The following ZPLD1 variants were observed in gnomAD, a reference collection of about 807,000 sequenced individuals.
ZPLD1 encodes the protein zona pellucida like domain containing 1.
ZPLD1 carries 34 observed loss-of-function variants against 47.2 expected under a neutral mutation model. That is an observed-to-expected ratio of 0.72 (90% CI 0.55 to 0.96). The LOEUF is 0.96. Ranked by LOEUF, ZPLD1 falls within the 40% of genes least tolerant of loss-of-function variation. The pLI, the probability that ZPLD1 is intolerant of heterozygous loss-of-function variation, is 0.00. For synonymous variants in ZPLD1, 176 were observed against 186.2 expected (o/e 0.95, Z 0.45); for missense variants, 512 against 505.8 (o/e 1.01, Z -0.12).
At chr3:102,470,864 C>G (rs1707673307) in intron 10 of ZPLD1, among the ~76,000 whole-genome samples, 2 of 150,452 alleles carry the variant, frequency 1.3e-5, no homozygotes, top group African/African-American at 4.9e-5. Context: ...CTGCAACCTC[C>G]GCCTCCCGGG....
chr3:102,399,512 T>C (rs765712780), intron 7 of ZPLD1, among the ~76,000 whole-genome samples: 31 of 152,116 alleles, frequency 2.0e-4, no homozygotes, highest in Non-Finnish European at 3.8e-4. Flanking sequence ...CATGTAGATA[T>C]CGGCTCCTAG....
At chr3:102,425,873 G>T (rs955159177) in intron 8 of ZPLD1, among the ~76,000 whole-genome samples, 2 of 149,978 alleles carry the variant, frequency 1.3e-5, no homozygotes, top group African/African-American at 4.9e-5. Flanking sequence ...AAGCCTACTA[G>T]ATGAAATATC....
chr3:102,427,150 C>A (rs1269465013), intron 8 of ZPLD1, among the ~76,000 whole-genome samples: 5 of 152,164 alleles, frequency 3.3e-5, no homozygotes, highest in Non-Finnish European at 7.3e-5. Flanking sequence ...AAATTACCAG[C>A]AGCCTATTTT....
intron 10 of ZPLD1, among the ~76,000 whole-genome samples, chr3:102,473,635 T>C (rs1204687794): frequency 6.6e-6 from 1 of 152,206 alleles, no homozygotes; most frequent in East Asian, 1.9e-4. Context: ...TCTTTGATCA[T>C]CATGGTGGTC....
intron 3 of ZPLD1, among the ~76,000 whole-genome samples, chr3:102,445,450 T>TA (rs771863823): frequency 3.9e-5 from 6 of 152,208 alleles, no homozygotes; most frequent in Non-Finnish European, 7.3e-5. Context: ...TTAAGAGGCT[T>TA]AAACTCACCA....
intron 3 of ZPLD1, among the ~76,000 whole-genome samples, chr3:102,447,253 A>G (rs1345494962): frequency 6.6e-6 from 1 of 152,022 alleles, no homozygotes; most frequent in Non-Finnish European, 1.5e-5. Flanking sequence ...TTTAGTAGAA[A>G]TGGGGTTTCA....
chr3:102,447,649 C>T (rs1490309340), intron 3 of ZPLD1, among the ~76,000 whole-genome samples: 1 of 152,092 alleles, frequency 6.6e-6, no homozygotes, highest in Admixed American at 6.6e-5. Flanking sequence ...TCCAACAGTA[C>T]TGAGATGAAC....
chr3:102,463,593 A>G (rs1480526141), intron 7 of ZPLD1, among the ~76,000 whole-genome samples: 2 of 152,050 alleles, frequency 1.3e-5, no homozygotes, highest in Non-Finnish European at 2.9e-5. Context: ...AAAAACTTGT[A>G]TGGGTACATA....
At chr3:102,450,292 G>T (rs1316186735) in intron 3 of ZPLD1, among the ~76,000 whole-genome samples, 3 of 152,126 alleles carry the variant, frequency 2.0e-5, no homozygotes, top group Non-Finnish European at 4.4e-5. Context: ...AATCTTCAGG[G>T]TACTGCTTGA....
At chr3:102,457,438 T>A (rs1707434515) in intron 5 of ZPLD1, among the ~76,000 whole-genome samples, 2 of 152,210 alleles carry the variant, frequency 1.3e-5, no homozygotes, top group Non-Finnish European at 2.9e-5. Context: ...GTAAACCAGA[T>A]TCCCTGATCT....
intron 7 of ZPLD1, among the ~76,000 whole-genome samples, chr3:102,394,858 A>C (rs1706538959): frequency 6.6e-6 from 1 of 152,198 alleles, no homozygotes; most frequent in South Asian, 2.1e-4. Flanking sequence ...ATAAATTTTG[A>C]TTTGAAGAAG....
chr3:102,401,673 A>G (rs1706621619), intron 7 of ZPLD1, among the ~76,000 whole-genome samples: 1 of 152,086 alleles, frequency 6.6e-6, no homozygotes, highest in East Asian at 1.9e-4. Flanking sequence ...TTAATTTACT[A>G]GTTTTGGCTT....
intron 7 of ZPLD1, among the ~76,000 whole-genome samples, chr3:102,399,900 C>A (rs1472824856): frequency 6.6e-6 from 1 of 151,592 alleles, no homozygotes; most frequent in Non-Finnish European, 1.5e-5. Context: ...TTCACTGCAA[C>A]CTTTACATCC....
chr3:102,412,314 G>C (rs1706754886), intron 7 of ZPLD1, among the ~76,000 whole-genome samples: 1 of 151,670 alleles, frequency 6.6e-6, no homozygotes, highest in African/African-American at 2.4e-5. Context: ...AATATGTTTT[G>C]GGAGGCATAG....
In ZPLD1 at chr3:102,477,498, A is replaced by G; in HGVS notation, c.1128A>G (p.Ser376=). 1 of 1,613,824 alleles carries G rather than the reference A, an allele frequency of 6.2e-7. No individual in the cohort carries two copies. The highest frequency in any genetic ancestry group is 1.7e-4 in the Middle Eastern group (1 of 6,058). The change falls in exon 12 of 12, where the codon TCA becomes TCG. Residue 376 remains serine (S), a synonymous_variant. Transcript: ENST00000466937. ...ACGCCATCACCAGCGCACTGATATCAGGAATGGTCATTCTGGGAGTTACGA... is the reference window on the plus strand; with the variant it reads ...ACGCCATCACCAGCGCACTGATATCGGGAATGGTCATTCTGGGAGTTACGA... ...QLNAITSALI[S]GMVILGVTSF...
chr3:102,387,645 A>G (rs1706445537), intron 6 of ZPLD1, among the ~76,000 whole-genome samples: 2 of 152,076 alleles, frequency 1.3e-5, no homozygotes, highest in Non-Finnish European at 2.9e-5. Context: ...TTTAGCATCC[A>G]GTATTTATGG....
intron 3 of ZPLD1, among the ~76,000 whole-genome samples, chr3:102,448,000 G>T (rs1299818594): frequency 6.6e-6 from 1 of 152,040 alleles, no homozygotes; most frequent in African/African-American, 2.4e-5. Flanking sequence ...GAGACAGATG[G>T]CTGATAATGT....
intron 4 of ZPLD1, among the ~76,000 whole-genome samples, chr3:102,454,423 C>G (rs551202651): frequency 2.2e-4 from 34 of 152,138 alleles, no homozygotes; most frequent in Non-Finnish European, 3.8e-4. Flanking sequence ...TCCCACCATG[C>G]CCTGAAGCCT....
chr3:102,464,469 T>A (rs1008132526), intron 8 of ZPLD1, among the ~76,000 whole-genome samples: 8 of 152,236 alleles, frequency 5.3e-5, no homozygotes, highest in African/African-American at 1.9e-4. Flanking sequence ...GAATCAGAGT[T>A]CTAAGTAAGT....
Sources: gnomAD v4.1 joint callset for allele counts (sites outside exome capture counted in the v4.1 genomes callset) on GRCh38, gnomAD v4.1.1 for gene constraint, MANE v1.5 for transcripts, NCBI Gene and HGNC (gene_info 2026-07-23, HGNC 2026-07-21) for gene names.